PACS1: variants seen among roughly 807,000 people sequenced by gnomAD.
The protein encoded by PACS1 is phosphofurin acidic cluster sorting protein 1.
PACS1 carries 24 observed loss-of-function variants against 115.0 expected under a neutral mutation model. The ratio of observed to expected loss-of-function variants is 0.21; its 90% confidence interval spans 0.15 to 0.29. The LOEUF (loss-of-function observed/expected upper bound fraction) is 0.29, where lower values mean the gene tolerates loss of function less well. Among genes scored for constraint, PACS1 ranks in the 10% least tolerant of loss-of-function variants. The pLI, the probability that PACS1 is intolerant of heterozygous loss-of-function variation, is 1.00. For missense variants in PACS1, 838 were observed against 1,251.2 expected (o/e 0.67, Z 4.98); for synonymous variants, 453 against 504.5 (o/e 0.90, Z 1.37).
At chr11:66,232,892 C>T in intron 14 of PACS1, 68 bp from the exon 15 acceptor site, 2 of 1,215,896 alleles carry the variant, frequency 1.6e-6, no homozygotes, top group Non-Finnish European at 2.4e-6. Context: ...TCTCACTTGC[C>T]TCTTGGCCCT....
At chr11:66,137,115 G>A (rs79885282) in intron 1 of PACS1, among the ~76,000 whole-genome samples, 3,000 of 150,264 alleles carry the variant, frequency 0.02, 132 homozygotes, top group African/African-American at 0.07. Flanking sequence ...ATAAAATGTA[G>A]CCATCTTTTT....
chr11:66,158,546 A>G (rs1859413310), intron 1 of PACS1, among the ~76,000 whole-genome samples: 1 of 152,192 alleles, frequency 6.6e-6, no homozygotes, highest in South Asian at 2.1e-4. Flanking sequence ...ACAAAAACAG[A>G]AAAAACTAAC....
chr11:66,181,233 A>G (rs1374933703), intron 1 of PACS1, among the ~76,000 whole-genome samples: 1 of 146,880 alleles, frequency 6.8e-6, no homozygotes, highest in African/African-American at 2.5e-5. Context: ...TTTTTTTGAG[A>G]TAGAGTCTCA....
intron 1 of PACS1, among the ~76,000 whole-genome samples, chr11:66,120,162 T>TC (rs1858405917): frequency 6.6e-6 from 1 of 151,504 alleles, no homozygotes; most frequent in South Asian, 2.1e-4. Context: ...TTTTTTTTTT[T>TC]TTTGAGACAG....
chr11:66,085,559 G>A (rs1051077458), intron 1 of PACS1, among the ~76,000 whole-genome samples: 5 of 152,064 alleles, frequency 3.3e-5, no homozygotes, highest in African/African-American at 9.7e-5. Flanking sequence ...TTACATTTTA[G>A]TTAAGTATAT....
chr11:66,084,348 G>T (rs1311361757), intron 1 of PACS1: 1 of 152,298 alleles, frequency 6.6e-6, no homozygotes, highest in Admixed American at 6.5e-5. Flanking sequence ...TAAAGAGAGA[G>T]TAATGGATAA....
intron 22 of PACS1, 43 bp downstream of exon 22, chr11:66,241,696 C>T: frequency 6.7e-7 from 1 of 1,493,930 alleles, no homozygotes; most frequent in Non-Finnish European, 9.3e-7. Flanking sequence ...GCCACCAGGC[C>T]TCCCGTCTCG....
At chr11:66,240,420 G>A (rs752790671) in intron 21 of PACS1, among the ~76,000 whole-genome samples, 14 of 152,278 alleles carry the variant, frequency 9.2e-5, no homozygotes, top group Non-Finnish European at 1.3e-4. Context: ...GCTGCCTTCC[G>A]CCTTCGCCTC....
chr11:66,171,870 C>T (rs1390161660), intron 1 of PACS1, among the ~76,000 whole-genome samples: 1 of 152,070 alleles, frequency 6.6e-6, no homozygotes, highest in East Asian at 1.9e-4. Context: ...TGAGCCACCG[C>T]GCCCGGCCTC....
At chr11:66,128,684 G>T (rs1237378672) in intron 1 of PACS1, among the ~76,000 whole-genome samples, 1 of 151,880 alleles carries the variant, frequency 6.6e-6, no homozygotes, top group Non-Finnish European at 1.5e-5. Context: ...AGGAGTTCGA[G>T]ACCAGCCTGG....
At chr11:66,219,029 A>C (rs1855278661) in intron 7 of PACS1, among the ~76,000 whole-genome samples, 1 of 152,002 alleles carries the variant, frequency 6.6e-6, no homozygotes, top group Non-Finnish European at 1.5e-5. Context: ...AGCTCTGTTC[A>C]AGTAGTGGAG....
chr11:66,241,293 T>A (rs1376775888), intron 21 of PACS1, 134 bp from the exon 22 acceptor site: 2 of 622,378 alleles, frequency 3.2e-6, no homozygotes, highest in East Asian at 2.8e-5. Flanking sequence ...CTGCTCTGTG[T>A]GGCTGGAGGG....
intron 1 of PACS1, among the ~76,000 whole-genome samples, chr11:66,106,915 G>A (rs1320915825): frequency 6.6e-6 from 1 of 152,128 alleles, no homozygotes; most frequent in Non-Finnish European, 1.5e-5. Flanking sequence ...GATATCTACA[G>A]TTGGTGTTCA....
At position 66,244,015 on chromosome 11, in the gene PACS1, G is replaced by C. The variant is rs570672861; in HGVS notation, c.*735G>C. The C allele has an allele frequency of 6.6e-6, 1 of 152,456 alleles. No homozygotes were observed. The highest frequency in any genetic ancestry group is 2.4e-5 in the African/African-American group (1 of 41,540). The allele number at this position is 152,456 out of a possible 1,614,324, so 9.4% of individuals were successfully genotyped here. A position where few individuals can be genotyped will look rare whatever the true frequency, so the allele number is the denominator to read the frequency against. ...TCCCTGCAGATGTCGTGTGTGTCCT[G>C]AGTGTTTCTTTGGTTCTTTGCACGC... On this transcript the variant is annotated 3_prime_UTR_variant, in exon 24 of 24. Coordinates refer to ENST00000320580, the MANE Select transcript of PACS1 (RefSeq NM_018026.4).
At chr11:66,106,964 C>T (rs74487825) in intron 1 of PACS1, among the ~76,000 whole-genome samples, 8 of 152,236 alleles carry the variant, frequency 5.3e-5, no homozygotes, top group African/African-American at 1.7e-4. Context: ...ATTCTTGCCC[C>T]GGGCAGGAAT....
At chr11:66,082,202 C>T (rs369027446) in intron 1 of PACS1, among the ~76,000 whole-genome samples, 9 of 152,158 alleles carry the variant, frequency 5.9e-5, no homozygotes, top group African/African-American at 2.2e-4. Flanking sequence ...TGGGGCACAA[C>T]TGCTTTCTTT....
chr11:66,233,566 C>T lies in PACS1; in HGVS notation c.1839-219C>T, dbSNP rs892858610. 4.6e-5 allele frequency among the ~76,000 whole-genome samples: 7 copies of T among 152,242 alleles called. No individual in the cohort carries two copies. The highest frequency in any genetic ancestry group is 4.6e-4 in the Admixed American group (7 of 15,288). ...GAGTCCTACGTTAGCCTCAGCTGTT[C>T]CGTCTGCTTCATGGGCAATGCCCTC... On this transcript the variant is annotated intron_variant, in intron 15 of 23. Coordinates refer to ENST00000320580, the MANE Select transcript of PACS1 (RefSeq NM_018026.4). This position sits in a 1 kb window ranked among gnomAD's most constrained non-coding sequence, Gnocchi z 4.5.
intron 10 of PACS1, among the ~76,000 whole-genome samples, chr11:66,224,171 G>A (rs1445739819): frequency 9.4e-5 from 14 of 148,788 alleles, no homozygotes; most frequent in Admixed American, 8.7e-4. Flanking sequence ...ACTCCAGCCT[G>A]GGTAACAGAG....
intron 1 of PACS1, among the ~76,000 whole-genome samples, chr11:66,156,204 T>TTATATATATATATA (rs61270162): frequency 1.2e-5 from 1 of 85,052 alleles, no homozygotes. Flanking sequence ...ATTTTTTAAA[T>TTATATATATATATA]TATATATATA....
Sources: gnomAD v4.1 joint callset for allele counts (sites outside exome capture counted in the v4.1 genomes callset) on GRCh38, gnomAD v4.1.1 for gene constraint, Gnocchi (gnomAD v3.1) non-coding constraint, MANE v1.5 for transcripts, NCBI Gene and HGNC (gene_info 2026-07-23, HGNC 2026-07-21) for gene names.